The following NEO1 variants were observed in gnomAD, a reference collection of about 807,000 sequenced individuals.
The protein encoded by NEO1 is neogenin.
A neutral mutation model predicts 159.7 loss-of-function variants in NEO1; 63 were observed. The observed-to-expected ratio is 0.39, with a 90% CI of 0.32 to 0.49. The LOEUF (loss-of-function observed/expected upper bound fraction) is 0.49, where lower values mean the gene tolerates loss of function less well. Among genes scored for constraint, NEO1 ranks in the 20% least tolerant of loss-of-function variants. The probability of loss-of-function intolerance (pLI) is 0.85; values close to 1 mark genes in which losing one functional copy is unlikely to be tolerated. For missense variants in NEO1, 1,615 were observed against 1,831.0 expected, an observed-to-expected ratio of 0.88 and a Z score of 2.15; for synonymous variants, 633 against 662.0, an observed-to-expected ratio of 0.96 and a Z score of 0.67.
intron 13 of NEO1, 117 bp from the exon 14 acceptor site, chr15:73,258,649 C>T: frequency 1.3e-6 from 1 of 772,030 alleles, no homozygotes; most frequent in East Asian, 2.7e-5. Flanking sequence ...TAAACTGAAA[C>T]TTTGCCAAGC....
intron 25 of NEO1, among the ~76,000 whole-genome samples, chr15:73,290,978 C>T (rs2042144060): frequency 6.6e-6 from 1 of 152,180 alleles, no homozygotes; most frequent in Non-Finnish European, 1.5e-5. Context: ...TTACAAAAAC[C>T]ATCTTTGAAA....
intron 25 of NEO1, among the ~76,000 whole-genome samples, chr15:73,290,522 CA>C (rs1166975453): frequency 1.4e-3 from 1 of 734 alleles, no homozygotes; most frequent in Non-Finnish European, 2.6e-3. Flanking sequence ...CCTGAGCCAC[CA>C]CCACCCGCCC....
At chr15:73,284,205 C>T (rs2041848616) in intron 23 of NEO1, among the ~76,000 whole-genome samples, 1 of 152,028 alleles carries the variant, frequency 6.6e-6, no homozygotes, top group Non-Finnish European at 1.5e-5. Context: ...ATAGCAGTAC[C>T]ATAATGTGCA....
intron 7 of NEO1, among the ~76,000 whole-genome samples, chr15:73,202,307 G>T (rs2036944491): frequency 6.6e-6 from 1 of 152,038 alleles, no homozygotes; most frequent in African/African-American, 2.4e-5. Context: ...GCTTTTTAAT[G>T]AAAGGGTATT....
intron 7 of NEO1, among the ~76,000 whole-genome samples, chr15:73,221,261 G>A (rs1162236531): frequency 2.0e-5 from 3 of 152,202 alleles, no homozygotes; most frequent in Non-Finnish European, 4.4e-5. Context: ...AACCACGAAT[G>A]CTGCTGTCTG....
intron 1 of NEO1, among the ~76,000 whole-genome samples, chr15:73,061,658 T>C (rs1181507409): frequency 6.6e-6 from 1 of 152,226 alleles, no homozygotes; most frequent in Non-Finnish European, 1.5e-5. Context: ...AATGTAACAG[T>C]TCATACTATG....
rs140185510 is a variant in NEO1, at chr15:73,251,282, G to A, written c.1894+1561G>A. On this transcript the variant is annotated intron_variant, in intron 11 of 28. Transcript: ENST00000261908. ...TCCCAGCACTTTGGGAGGCCAAGTCGGGCAACTTACTTGAGCCCAAGAGTT... is the reference window on the plus strand; with the variant it reads ...TCCCAGCACTTTGGGAGGCCAAGTCAGGCAACTTACTTGAGCCCAAGAGTT... Among the ~76,000 whole-genome samples, 276 of 152,018 alleles carry A rather than the reference G, an allele frequency of 1.8e-3. 1 individual carries two copies. Among genetic ancestry groups the A allele is most frequent in the African/African-American group, 5.7e-3 (236 of 41,462 alleles).
At chr15:73,115,687 C>A (rs2071271328) in intron 1 of NEO1, among the ~76,000 whole-genome samples, 1 of 152,120 alleles carries the variant, frequency 6.6e-6, no homozygotes, top group Non-Finnish European at 1.5e-5. Context: ...CAGAAGTTTT[C>A]TTGAAGAAAA....
chr15:73,254,040 A>G (rs770278683), intron 12 of NEO1, among the ~76,000 whole-genome samples: 1 of 152,200 alleles, frequency 6.6e-6, no homozygotes, highest in Non-Finnish European at 1.5e-5. Flanking sequence ...GAAGTACTGT[A>G]GAGAGCCAAA....
At chr15:73,257,729 T>C (rs1486881293) in intron 13 of NEO1, among the ~76,000 whole-genome samples, 1 of 152,214 alleles carries the variant, frequency 6.6e-6, no homozygotes, top group Non-Finnish European at 1.5e-5. Context: ...CTTTGCATAG[T>C]ACCTCATTTT....
intron 11 of NEO1, among the ~76,000 whole-genome samples, chr15:73,252,177 C>G (rs1012809799): frequency 1.3e-5 from 2 of 152,328 alleles, no homozygotes; most frequent in Admixed American, 1.3e-4. Flanking sequence ...AGCTATAGCA[C>G]AGTGGGCACT....
chr15:73,293,332 A>G (rs112275997), intron 25 of NEO1, 58 bp from the exon 26 acceptor site: 1 of 1,598,834 alleles, frequency 6.3e-7, no homozygotes, highest in Non-Finnish European at 8.6e-7. Flanking sequence ...TTAAACTGTG[A>G]TTTGTGTGTG....
At chr15:73,236,585 ATCTGTACCAATTTTTAGTC>A in intron 8 of NEO1, 79 bp downstream of exon 8, 1 of 1,280,630 alleles carries the variant, frequency 7.8e-7, no homozygotes, top group Non-Finnish European at 1.1e-6. Flanking sequence ...GGCTCTTGGT[ATCTGTACCAATTTTTAGTC>A]CAGAAAATAA....
chr15:73,260,391 A>T lies in NEO1; in HGVS notation c.2324A>T (p.Tyr775Phe). ...GTGGTCAGAGGTTACGCCATTGGTT[A>T]TGGCATTGGCAGCCCTCATGCCCAG... ...NIVVRGYAIG[Y>F]GIGSPHAQTI... is the part of the protein sequence containing the mutation. The change falls in exon 15 of 29, where the codon TAT (tyrosine) becomes TTT (phenylalanine). Residue 775 changes from tyrosine to phenylalanine, a missense_variant. This residue lies in a region of NEO1 where 1,018 missense variants were observed against 1,115.4 expected (regional missense o/e 0.91). Transcript: ENST00000261908. 1 of 1,614,054 alleles carries T rather than the reference A, an allele frequency of 6.2e-7. No individual in the cohort carries two copies. The highest frequency in any genetic ancestry group is 2.2e-5 in the East Asian group (1 of 44,884).
At chr15:73,147,823 T>A (rs2033038041) in intron 5 of NEO1, among the ~76,000 whole-genome samples, 1 of 151,982 alleles carries the variant, frequency 6.6e-6, no homozygotes, top group Admixed American at 6.5e-5. Flanking sequence ...ATGTCTTTTT[T>A]TTTTTTTTGA....
At chr15:73,161,794 C>T (rs1210759914) in intron 5 of NEO1, 2 of 297,590 alleles carry the variant, frequency 6.7e-6, no homozygotes, top group African/African-American at 4.5e-5. Flanking sequence ...TTCTCCACTG[C>T]CAGAGATCTT....
At chr15:73,271,068 A>T (rs1443851699) in intron 18 of NEO1, among the ~76,000 whole-genome samples, 1 of 152,092 alleles carries the variant, frequency 6.6e-6, no homozygotes, top group Non-Finnish European at 1.5e-5. Context: ...TTGGCCTCCT[A>T]TTTCTCTCCT....
chr15:73,130,308 G>A (rs867217349), intron 4 of NEO1, among the ~76,000 whole-genome samples: 1 of 146,160 alleles, frequency 6.8e-6, no homozygotes, highest in Non-Finnish European at 1.5e-5. Flanking sequence ...TCAGTTTCCC[G>A]CCCCCCCCGC....
intron 3 of NEO1, 141 bp from the exon 4 acceptor site, chr15:73,126,276 C>T (rs1187524087): frequency 3.1e-6 from 2 of 635,362 alleles, no homozygotes; most frequent in African/African-American, 3.7e-5. Flanking sequence ...TGCTATATTG[C>T]CTACGCTGGT....
Sources: allele counts gnomAD v4.1 joint callset (sites outside exome capture counted in the v4.1 genomes callset), GRCh38; gene constraint gnomAD v4.1.1; regional missense constraint gnomAD v4.1.1; transcripts MANE v1.5; gene names NCBI Gene and HGNC (gene_info 2026-07-23, HGNC 2026-07-21).